The following TECR variants were observed in gnomAD, a reference collection of about 807,000 sequenced individuals.
TECR encodes the protein very-long-chain enoyl-CoA reductase.
TECR carries 19 observed loss-of-function variants against 50.6 expected under a neutral mutation model. The ratio of observed to expected loss-of-function variants is 0.38; its 90% CI spans 0.26 to 0.55. The LOEUF (loss-of-function observed/expected upper bound fraction) is 0.55. Among genes scored for constraint, TECR ranks in the 20% least tolerant of loss-of-function variants. The pLI, the probability that TECR is intolerant of heterozygous loss-of-function variation, is 0.79. For synonymous variants in TECR, 168 were observed against 163.5 expected (o/e 1.03, Z -0.21); for missense variants, 313 against 408.3 (o/e 0.77, Z 2.01).
At chr19:14,565,147 G>T (rs1319207766) in intron 10 of TECR, 24 bp downstream of exon 10, 1 of 1,613,654 alleles carries the variant, frequency 6.2e-7, no homozygotes, top group Admixed American at 1.7e-5. Context: ...GGGGGCAGGG[G>T]GACAGCTGGG....
At chr19:14,546,831 A>G (rs1039305517) in intron 1 of TECR, among the ~76,000 whole-genome samples, 1 of 152,126 alleles carries the variant, frequency 6.6e-6, no homozygotes, top group Non-Finnish European at 1.5e-5. Flanking sequence ...CTGGGACTAC[A>G]GGTGCACACC....
Position 14,563,660 on chromosome 19 carries a change from C to T in TECR, c.121C>T (p.Pro41Ser), listed in dbSNP as rs752410543. 43 of 1,611,678 alleles carry T rather than the reference C, an allele frequency of 2.7e-5. No individual in the cohort carries two copies. The East Asian group carries it at 8.7e-4, about 33-fold the overall frequency. ...EIKNLFTKTH[P>S]QWYPARQSLR... is the part of the protein sequence containing the mutation. ...TAACTGCCCTGTTCTCCCCGCAGAT[C>T]CGCAGTGGTACCCCGCCCGCCAGTC... Residue 41 changes from proline to serine, a missense_variant and splice_region_variant, in exon 4 of 13, where the codon CCG (proline) becomes TCG (serine). Transcript: ENST00000215567. The surrounding 1 kb of genome is among the most constrained non-coding windows in gnomAD (Gnocchi z 5.3).
chr19:14,543,430 T>A (rs1160946198), intron 1 of TECR, among the ~76,000 whole-genome samples: 221 of 16,112 alleles, frequency 0.014, 2 homozygotes, highest in Non-Finnish European at 0.028. Flanking sequence ...TTTTTTTTTT[T>A]TTTTTTTTTT....
At chr19:14,534,511 C>T (rs970412952) in intron 1 of TECR, among the ~76,000 whole-genome samples, 1 of 132,380 alleles carries the variant, frequency 7.6e-6, no homozygotes, top group Non-Finnish European at 1.6e-5. Context: ...TCTCACCTCA[C>T]TGCAACCTCC....
Position 14,564,065 on chromosome 19 carries a change from T to C in TECR, c.351T>C (p.Tyr117=), listed in dbSNP as rs760395039. ...FRVPFIYGHK[Y]DFTSSRHTVV... ...TGCCCTTCATCTATGGCCACAAATATGACTTTACGTCCAGTCGGCATACAG... is the reference window on the plus strand; with the variant it reads ...TGCCCTTCATCTATGGCCACAAATACGACTTTACGTCCAGTCGGCATACAG... Residue 117 remains tyrosine, a synonymous_variant, in exon 6 of 13, where the codon TAT becomes TAC. Coordinates refer to ENST00000215567, the MANE Select transcript of TECR (RefSeq NM_138501.6). 11 of 1,613,400 alleles carry C rather than the reference T, an allele frequency of 6.8e-6. No homozygotes were observed. The highest frequency in any genetic ancestry group is 2.2e-5 in the South Asian group (2 of 91,082).
chr19:14,557,095 C>G (rs554463519), intron 1 of TECR, among the ~76,000 whole-genome samples: 30 of 146,538 alleles, frequency 2.0e-4, no homozygotes, highest in Non-Finnish European at 3.8e-4. Context: ...CATGGCTGTT[C>G]TGCTAGTGTT....
chr19:14,542,223 C>G (rs1025404577), intron 1 of TECR, among the ~76,000 whole-genome samples: 6 of 152,050 alleles, frequency 3.9e-5, no homozygotes, highest in African/African-American at 1.2e-4. Context: ...CCTTGACCTC[C>G]CAAAGTGCAG....
rs771827554 is a variant in TECR, at chr19:14,563,058, C to T, written c.67-148C>T. On this transcript the variant is annotated intron_variant, in intron 2 of 12. Transcript: ENST00000215567. This position sits in a 1 kb window ranked among gnomAD's most constrained non-coding sequence, Gnocchi z 5.3. ...TGGCAGGGCCCTCGGTGGTCCTTCC[C>T]TGACTGCAGGCAGAGGCCTGGACCC... The T allele has an allele frequency of 6.6e-5, 66 of 1,002,644 alleles. No homozygotes were observed. The highest frequency in any genetic ancestry group is 9.2e-5 in the Non-Finnish European group (62 of 671,366). The allele number at this position is 1,002,644 out of a possible 1,614,324, so 62.1% of individuals were successfully genotyped here. A position where few individuals can be genotyped will look rare whatever the true frequency, so the allele number is the denominator to read the frequency against.
At position 14,562,412 on chromosome 19, in the gene TECR, G is replaced by A. The variant is rs925727930; in HGVS notation, c.16-113G>A. Reference sequence around the variant, plus strand: ...GCAGGCGGCATGGACTTGAACTTGAGCTTGTTGGCCCGGGAGGCCACCCCA... The same window carrying A: ...GCAGGCGGCATGGACTTGAACTTGAACTTGTTGGCCCGGGAGGCCACCCCA... On this transcript the variant is annotated intron_variant, in intron 1 of 12. Transcript: ENST00000215567. 8.7e-6 allele frequency: 10 copies of A among 1,146,622 alleles called. No individual in the cohort carries two copies. The Admixed American group carries it at 1.7e-4, about 19-fold the overall frequency. 71.0% of individuals were successfully genotyped at this position (1,146,622 alleles called of 1,614,324 possible).
upstream of TECR, chr19:14,529,379 A>C (rs566943111): frequency 9.4e-6 from 5 of 532,674 alleles, no homozygotes; most frequent in African/African-American, 7.6e-5. Context: ...CCTCCTTTGG[A>C]TTGGTGGATG....
intron 1 of TECR, among the ~76,000 whole-genome samples, chr19:14,551,593 GT>G (rs2073508272): frequency 6.6e-6 from 1 of 152,158 alleles, no homozygotes; most frequent in South Asian, 2.1e-4. Flanking sequence ...CCCATTGGCT[GT>G]CTTAGCTAGT....
At chr19:14,558,126 G>T (rs1342832589) in intron 1 of TECR, among the ~76,000 whole-genome samples, 1 of 152,190 alleles carries the variant, frequency 6.6e-6, no homozygotes, top group Admixed American at 6.5e-5. Context: ...GGCAGCTGGG[G>T]ACAGCCCACT....
chr19:14,548,664 G>A (rs1010352052), intron 1 of TECR, among the ~76,000 whole-genome samples: 3 of 151,902 alleles, frequency 2.0e-5, no homozygotes, highest in Non-Finnish European at 4.4e-5. Flanking sequence ...TGCAACCTCC[G>A]CTTCCCAGGT....
chr19:14,546,661 A>G (rs1350891757), intron 1 of TECR, among the ~76,000 whole-genome samples: 1 of 152,168 alleles, frequency 6.6e-6, no homozygotes, highest in African/African-American at 2.4e-5. Flanking sequence ...ACCTTTGGTC[A>G]CTGAAATATT....
chr19:14,561,374 A>G (rs2073895867), intron 1 of TECR, among the ~76,000 whole-genome samples: 1 of 152,038 alleles, frequency 6.6e-6, no homozygotes, highest in African/African-American at 2.4e-5. Flanking sequence ...ACCCCTGTAT[A>G]ATAGGATTGC....
At chr19:14,545,511 T>TG (rs956935160) in intron 1 of TECR, among the ~76,000 whole-genome samples, 5 of 151,834 alleles carry the variant, frequency 3.3e-5, no homozygotes, top group South Asian at 4.2e-4. Flanking sequence ...GCCTAGGGGG[T>TG]GGGGGGGATA....
At chr19:14,543,415 ATATATTTTTTTTTTTTTTTTTTTT>A (rs1193387318) in intron 1 of TECR, among the ~76,000 whole-genome samples, 1 of 9,484 alleles carries the variant, frequency 1.1e-4, no homozygotes, top group Admixed American at 1.5e-3. Flanking sequence ...ATATATATAT[ATATATTTTTTTTTTTTTTTTTTTT>A]TTTTTTTTTT....
intron 1 of TECR, among the ~76,000 whole-genome samples, chr19:14,540,743 G>A (rs1029803038): frequency 3.9e-5 from 6 of 152,098 alleles, no homozygotes; most frequent in African/African-American, 1.4e-4. Flanking sequence ...TGGCCAGGAT[G>A]GCCTCGAACT....
intron 1 of TECR, among the ~76,000 whole-genome samples, chr19:14,560,576 G>T (rs1609865): frequency 0.6 from 91,281 of 152,094 alleles, 28,376 homozygotes; most frequent in African/African-American, 0.77. Flanking sequence ...TTTTTTTCTG[G>T]CCCCTCCATG....
Sources: allele counts gnomAD v4.1 joint callset (sites outside exome capture counted in the v4.1 genomes callset), GRCh38; gene constraint gnomAD v4.1.1; non-coding constraint Gnocchi (gnomAD v3.1); transcripts MANE v1.5; gene names NCBI Gene and HGNC (gene_info 2026-07-23, HGNC 2026-07-21).